PPP1R42: variants seen among roughly 807,000 people sequenced by gnomAD.
PPP1R42 encodes leucine rich repeat containing 67.
PPP1R42 carries 34 observed loss-of-function variants against 31.0 expected under a neutral mutation model. The ratio of observed to expected loss-of-function variants is 1.10; its 90% CI spans 0.83 to 1.46. PPP1R42 has a LOEUF of 1.46. Among genes scored for constraint, PPP1R42 ranks in the 40% most tolerant of loss-of-function variants. The pLI, the probability that PPP1R42 is intolerant of heterozygous loss-of-function variation, is 0.00. For synonymous variants in PPP1R42, 103 were observed against 109.8 expected (o/e 0.94, Z 0.39); for missense variants, 268 against 303.0 (o/e 0.88, Z 0.86).
At chr8:66,966,083 G>A (rs1217005508) in intron 7 of PPP1R42, among the ~76,000 whole-genome samples, 1 of 152,100 alleles carries the variant, frequency 6.6e-6, no homozygotes, top group Non-Finnish European at 1.5e-5. Flanking sequence ...TCTAGTACAT[G>A]TTATTTTTTA....
chr8:67,018,054 T>C (rs1816069616), intron 1 of PPP1R42, among the ~76,000 whole-genome samples: 2 of 152,138 alleles, frequency 1.3e-5, no homozygotes, highest in Non-Finnish European at 2.9e-5. Context: ...TCATTCACTT[T>C]TACTTTTAAA....
At chr8:67,028,458 G>C in intron 1 of PPP1R42, 33 bp downstream of exon 1, 5 of 984,222 alleles carry the variant, frequency 5.1e-6, no homozygotes, top group Non-Finnish European at 4.8e-6. Flanking sequence ...GGGTTTCCTC[G>C]GTCCCCACGC....
intron 6 of PPP1R42, among the ~76,000 whole-genome samples, chr8:66,987,064 A>T (rs1370634997): frequency 1.3e-5 from 2 of 152,058 alleles, no homozygotes; most frequent in Non-Finnish European, 2.9e-5. Flanking sequence ...GTCTTTCCAG[A>T]TCTATTTTTA....
At chr8:66,968,791 A>C (rs1305820715) in intron 7 of PPP1R42, among the ~76,000 whole-genome samples, 3 of 152,190 alleles carry the variant, frequency 2.0e-5, no homozygotes, top group African/African-American at 7.2e-5. Context: ...ATACGTATTA[A>C]ATCTTTTGAT....
At chr8:67,003,188 A>G (rs1182961332) in intron 5 of PPP1R42, among the ~76,000 whole-genome samples, 3 of 148,858 alleles carry the variant, frequency 2.0e-5, no homozygotes. Flanking sequence ...AAAAAAAAAG[A>G]AAAATATTTT....
At chr8:66,986,243 C>A in intron 6 of PPP1R42, 1 of 521,994 alleles carries the variant, frequency 1.9e-6, no homozygotes, top group Non-Finnish European at 3.6e-6. Context: ...CCCTGCCTGA[C>A]ATCACTGATA....
At chr8:66,973,988 C>T (rs557782597) in intron 7 of PPP1R42, among the ~76,000 whole-genome samples, 2 of 152,286 alleles carry the variant, frequency 1.3e-5, no homozygotes, top group African/African-American at 4.8e-5. Context: ...TTCATCTGTC[C>T]AATGTCCATG....
chr8:67,006,903 C>T (rs1293480689), intron 5 of PPP1R42, among the ~76,000 whole-genome samples: 5 of 151,636 alleles, frequency 3.3e-5, no homozygotes, highest in East Asian at 1.9e-4. Flanking sequence ...CCCACACACC[C>T]GGCTAATTTT....
At chr8:66,970,902 C>T in intron 7 of PPP1R42, 2 of 1,049,214 alleles carry the variant, frequency 1.9e-6, no homozygotes, top group African/African-American at 1.6e-5. Context: ...TGGATGGCCT[C>T]TGTTCCTCTT....
intron 6 of PPP1R42, chr8:66,984,078 T>C: frequency 6.7e-7 from 1 of 1,498,174 alleles, no homozygotes; most frequent in Non-Finnish European, 9.2e-7. Flanking sequence ...ACAGAATAAG[T>C]GAGAGGACAG....
chr8:67,007,874 G>A (rs1348226336), intron 5 of PPP1R42, among the ~76,000 whole-genome samples: 2 of 145,298 alleles, frequency 1.4e-5, no homozygotes, highest in African/African-American at 2.5e-5. Flanking sequence ...TGCTGACATT[G>A]TAACTGTTCC....
Position 66,989,285 on chromosome 8 carries a change from C to T in PPP1R42, c.553-768G>A, listed in dbSNP as rs1013953816. 1.6e-4 allele frequency among the ~76,000 whole-genome samples: 25 copies of T among 152,108 alleles called. No homozygotes were observed. In the East Asian group the frequency reaches 2.5e-3, roughly 15 times the overall value. On this transcript the variant is annotated intron_variant, in intron 5 of 7. Coordinates refer to ENST00000685739, the MANE Select transcript of PPP1R42 (RefSeq NM_001364910.1). ...AATAAATGTAAGGAAAACAGATTAA[C>T]GGAACTTAAGAACTAACTGTCTCAG...
intron 7 of PPP1R42, chr8:66,970,739 G>A: frequency 2.0e-6 from 1 of 496,434 alleles, no homozygotes; most frequent in South Asian, 1.6e-5. Flanking sequence ...CCTTACCTCA[G>A]TGGGTGTATC....
In PPP1R42 at chr8:67,013,012, C is replaced by CTTG; in HGVS notation, c.380_381insCAA (p.Arg127delinsSerLys). On this transcript the variant is annotated protein_altering_variant, in exon 4 of 8. Coordinates refer to ENST00000685739, the MANE Select transcript of PPP1R42 (RefSeq NM_001364910.1). ...ACAGAAGCTTTTCCCCAAGGGGAAGCCTCTGATTCTCAACATGAAGCTCTC... is the reference window on the plus strand; with the variant it reads ...ACAGAAGCTTTTCCCCAAGGGGAAGCTTGCTCTGATTCTCAACATGAAGCTCTC... 6.2e-7 allele frequency: 1 copy of CTTG among 1,612,298 alleles called. No homozygotes were observed. The highest frequency in any genetic ancestry group is 8.5e-7 in the Non-Finnish European group (1 of 1,179,258).
chr8:66,985,783 G>T, intron 6 of PPP1R42: 1 of 1,225,252 alleles, frequency 8.2e-7, no homozygotes, highest in Non-Finnish European at 1.2e-6. Flanking sequence ...TTGCCATTTT[G>T]CTGCGTCCAT....
chr8:67,010,648 A>G, intron 5 of PPP1R42, 67 bp downstream of exon 5: 1 of 1,086,762 alleles, frequency 9.2e-7, no homozygotes, highest in Non-Finnish European at 1.4e-6. Context: ...TTTTATAGCT[A>G]TTACAAAACA....
At chr8:67,008,787 A>G (rs182279326) in intron 5 of PPP1R42, among the ~76,000 whole-genome samples, 181 of 152,238 alleles carry the variant, frequency 1.2e-3, no homozygotes, top group African/African-American at 4.2e-3. Flanking sequence ...TTTTGGCTGC[A>G]CATTTATTCT....
chr8:66,997,718 A>T lies in PPP1R42; in HGVS notation c.553-9201T>A, dbSNP rs557696367. ...ACCATTCCCAGCTAATTTTTTTTAA[A>T]AAAAAAAACACCTTTTAGAGGAGGG... On this transcript the variant is annotated intron_variant, in intron 5 of 7. Transcript: ENST00000685739. 4.6e-3 allele frequency among the ~76,000 whole-genome samples: 682 copies of T among 149,698 alleles called. 5 individuals carry two copies. The highest frequency in any genetic ancestry group is 0.015 in the African/African-American group (596 of 40,090).
intron 6 of PPP1R42, chr8:66,986,100 A>C (rs1209428410): frequency 1.4e-6 from 1 of 714,966 alleles, no homozygotes; most frequent in African/African-American, 1.7e-5. Flanking sequence ...CTTCTTGTCC[A>C]TGCTCTTCCC....
Sources: allele counts gnomAD v4.1 joint callset (sites outside exome capture counted in the v4.1 genomes callset), GRCh38; gene constraint gnomAD v4.1.1; transcripts MANE v1.5; gene names NCBI Gene and HGNC (gene_info 2026-07-23, HGNC 2026-07-21).